MAP2K7: variants seen among roughly 807,000 people sequenced by gnomAD.
MAP2K7 encodes the protein mitogen-activated protein kinase kinase 7.
A neutral mutation model predicts 47.7 loss-of-function variants in MAP2K7; 12 were observed. That is an observed-to-expected ratio of 0.25 (90% CI 0.16 to 0.41). MAP2K7 has a LOEUF of 0.41. MAP2K7 is among the 10% of genes least tolerant of loss of function. MAP2K7 has a pLI of 1.00. For synonymous variants in MAP2K7, 299 were observed against 243.0 expected, an observed-to-expected ratio of 1.23 and a Z score of -2.14; for missense variants, 415 against 600.3, an observed-to-expected ratio of 0.69 and a Z score of 3.23.
chr19:7,911,634 G>T, intron 9 of MAP2K7, 56 bp downstream of exon 9: 1 of 1,503,080 alleles, frequency 6.7e-7, no homozygotes, highest in African/African-American at 1.4e-5. Flanking sequence ...CTGGGCAGCT[G>T]GGGAGGCAAT....
intron 8 of MAP2K7, 50 bp downstream of exon 8, chr19:7,911,380 G>A: frequency 6.2e-7 from 1 of 1,613,416 alleles, no homozygotes; most frequent in Non-Finnish European, 8.5e-7. Context: ...GGGCTTCTGG[G>A]GGACTCGGAG....
At chr19:7,906,191 G>T in intron 1 of MAP2K7, 1 of 343,044 alleles carries the variant, frequency 2.9e-6, no homozygotes, top group Admixed American at 4.2e-5. Flanking sequence ...GAGAAAGTTG[G>T]GCCTGGTGGG....
At chr19:7,906,160 T>G in intron 1 of MAP2K7, 1 of 438,500 alleles carries the variant, frequency 2.3e-6, no homozygotes, top group Non-Finnish European at 4.2e-6. Flanking sequence ...TGCACGCCTG[T>G]GTGTGTGTAA....
Position 7,910,682 on chromosome 19 carries a change from C to T in MAP2K7, c.568-14C>T. ...CGGAAGACACAGCTCCCCCGGGTGC[C>T]CCTCTCCCTGCAGACGGACGTCTTC... On this transcript the variant is annotated splice_polypyrimidine_tract_variant and intron_variant, in intron 5 of 10. Coordinates refer to ENST00000397979, the MANE Select transcript of MAP2K7 (RefSeq NM_145185.4). 11 of 1,607,094 alleles carry T rather than the reference C, an allele frequency of 6.8e-6. No individual in the cohort carries two copies. The highest frequency in any genetic ancestry group is 1.1e-5 in the South Asian group (1 of 90,766).
Position 7,910,114 on chromosome 19 carries a change from G to A in MAP2K7, c.318G>A (p.Leu106=). Residue 106 remains leucine, a synonymous_variant, in exon 3 of 11, where the codon CTG becomes CTA. Coordinates refer to ENST00000397979, the MANE Select transcript of MAP2K7 (RefSeq NM_145185.4). ...LQEIMKQTGY[L]TIGGQRYQAE... is the part of the protein sequence containing the mutation. The stretch of plus-strand genomic sequence containing the variant: ...AGATCATGAAGCAGACGGGCTACCT[G>A]ACCATCGGGGGCCAGGTACCACCTT... The A allele has an allele frequency of 1.2e-6, 2 of 1,606,746 alleles. No individual in the cohort carries two copies. The highest frequency in any genetic ancestry group is 2.2e-5 in the South Asian group (2 of 90,276).
At position 7,912,139 on chromosome 19, in the gene MAP2K7, C is replaced by T. The variant is rs1361910356; in HGVS notation, c.1080-10C>T. ...CGTTCTCACATCTGTCTTCCCTTCT[C>T]TTGCTCTAGCCTTACTAAAGATCAC... On this transcript the variant is annotated splice_polypyrimidine_tract_variant and intron_variant, in intron 9 of 10. Coordinates refer to ENST00000397979, the MANE Select transcript of MAP2K7 (RefSeq NM_145185.4). 2 of 1,613,668 alleles carry T rather than the reference C, an allele frequency of 1.2e-6. No individual in the cohort carries two copies. The highest frequency in any genetic ancestry group is 1.7e-6 in the Non-Finnish European group (2 of 1,179,756).
intron 6 of MAP2K7, 63 bp downstream of exon 6, chr19:7,910,866 G>T (rs1344924315): frequency 1.3e-6 from 2 of 1,569,928 alleles, no homozygotes; most frequent in African/African-American, 1.3e-5. Flanking sequence ...ACCAGGCGGG[G>T]CGTGCACTGG....
In MAP2K7 at chr19:7,914,221, G is replaced by T. The variant is rs1203786224; in HGVS notation, c.*1790G>T. 2 of 152,314 alleles carry T rather than the reference G, an allele frequency of 1.3e-5. No individual in the cohort carries two copies. Among genetic ancestry groups the T allele is most frequent in the African/African-American group, 4.8e-5 (2 of 41,402 alleles). 9.4% of individuals were successfully genotyped at this position (152,314 alleles called of 1,614,324 possible). A position where few individuals can be genotyped will look rare whatever the true frequency, so the allele number is the denominator to read the frequency against. ...TGTCCGCCCACCCCCACCCCCTTCA[G>T]TGTTAAGTGGGGAGCCCTGGGGGAG... On this transcript the variant is annotated 3_prime_UTR_variant, in exon 11 of 11. Transcript: ENST00000397979.
intron 2 of MAP2K7, 44 bp from the exon 3 acceptor site, chr19:7,910,019 A>G (rs1395451273): frequency 1.3e-6 from 2 of 1,551,070 alleles, no homozygotes; most frequent in South Asian, 2.4e-5. Context: ...TGGCCAACCT[A>G]AGGTCAGGAC....
intron 8 of MAP2K7, 23 bp downstream of exon 8, chr19:7,911,353 T>A: frequency 1.2e-6 from 2 of 1,613,298 alleles, no homozygotes; most frequent in Non-Finnish European, 1.7e-6. Context: ...CCTCCCCTGT[T>A]CTCCAGCCAG....
chr19:7,907,045 C>CAA (rs59539558), intron 1 of MAP2K7: 4 of 93,806 alleles, frequency 4.3e-5, no homozygotes, highest in South Asian at 3.3e-4. Flanking sequence ...AACTCCATCT[C>CAA]AAAAAAAAAA....
chr19:7,910,890 G>A, intron 6 of MAP2K7, 87 bp downstream of exon 6: 2 of 1,583,960 alleles, frequency 1.3e-6, no homozygotes, highest in South Asian at 1.1e-5. Context: ...AGATGACAGT[G>A]GCGGTGAGTG....
At chr19:7,904,643 G>C (rs1194297451) in intron 1 of MAP2K7, 1 of 164,668 alleles carries the variant, frequency 6.1e-6, no homozygotes, top group Non-Finnish European at 1.4e-5. Flanking sequence ...GGGGGGACGG[G>C]AGGGGGTCCC....
chr19:7,912,225 C>T lies in MAP2K7; in HGVS notation c.1125+31C>T, dbSNP rs199949729. On this transcript the variant is annotated intron_variant, in intron 10 of 10. Coordinates refer to ENST00000397979, the MANE Select transcript of MAP2K7 (RefSeq NM_145185.4). ...TACCTGAGCCCTCCCAGTCCCCGTCCTGTCCCTGCGGAGGCGCGAGGCCAG... is the reference window on the plus strand; with the variant it reads ...TACCTGAGCCCTCCCAGTCCCCGTCTTGTCCCTGCGGAGGCGCGAGGCCAG... 158 of 1,613,810 alleles carry T rather than the reference C, an allele frequency of 9.8e-5. No homozygotes were observed. In the African/African-American group the frequency reaches 1.9e-3, roughly 20 times the overall value.
intron 1 of MAP2K7, among the ~76,000 whole-genome samples, chr19:7,907,872 G>A (rs930330070): frequency 6.6e-6 from 1 of 152,166 alleles, no homozygotes; most frequent in African/African-American, 2.4e-5. Context: ...GCTGGGTTGG[G>A]GGGAGCACAG....
rs1335851436 is a variant in MAP2K7 at position 7,911,170 on chromosome 19, G to T, written c.855+11G>T. On this transcript the variant is annotated intron_variant, in intron 7 of 10. Coordinates refer to ENST00000397979, the MANE Select transcript of MAP2K7 (RefSeq NM_145185.4). ...GCCGCCTACATGGCAGTGAGTGGGG[G>T]CCCCCCAGCGGGGGAGGGGGTGGGG... is the stretch of plus-strand genomic sequence containing the variant. 4 of 1,605,236 alleles carry T rather than the reference G, an allele frequency of 2.5e-6. No homozygotes were observed. Among genetic ancestry groups the T allele is most frequent in the Admixed American group, 3.4e-5 (2 of 59,638 alleles).
At position 7,909,782 on chromosome 19, in the gene MAP2K7, G is replaced by C. The variant is rs957493807; in HGVS notation, c.152G>C (p.Gly51Ala). Residue 51 changes from glycine (G) to alanine (A), a missense_variant, in exon 2 of 11, where the codon GGG becomes GCG. Gly to Ala is a moderately conservative substitution (Grantham distance 60). Transcript: ENST00000397979. ...PTLQLPLAND[G>A]GSRSPSSESS... ...CTGCAGCTCCCGCTGGCCAACGATGGGGGCAGCCGCTCGCCATCCTCAGAG... is the reference window on the plus strand; with the variant it reads ...CTGCAGCTCCCGCTGGCCAACGATGCGGGCAGCCGCTCGCCATCCTCAGAG... 6.5e-7 allele frequency: 1 copy of C among 1,542,346 alleles called. No individual in the cohort carries two copies. The highest frequency in any genetic ancestry group is 8.7e-7 in the Non-Finnish European group (1 of 1,146,068).
intron 1 of MAP2K7, among the ~76,000 whole-genome samples, chr19:7,908,684 G>A (rs867747530): frequency 1.3e-5 from 2 of 152,106 alleles, no homozygotes; most frequent in Middle Eastern, 6.8e-3. Context: ...CCGTTGTCAG[G>A]GCCTCTAGGA....
rs765683504 is a variant in MAP2K7, at chr19:7,911,051, C to T, written c.747C>T (p.Ile249=). The change falls in exon 7 of 11, where the codon ATC becomes ATT. Residue 249 remains isoleucine, a synonymous_variant. Coordinates refer to ENST00000397979, the MANE Select transcript of MAP2K7 (RefSeq NM_145185.4). ...VIHRDVKPSN[I]LLDERGQIKL... ...ACCGCGACGTCAAGCCCTCCAACAT[C>T]CTGCTGGACGAGCGGGGCCAGATCA... The T allele has an allele frequency of 2.5e-6, 4 of 1,612,804 alleles. No homozygotes were observed. The highest frequency in any genetic ancestry group is 1.1e-5 in the South Asian group (1 of 91,088).
Sources: allele counts gnomAD v4.1 joint callset (sites outside exome capture counted in the v4.1 genomes callset), GRCh38; gene constraint gnomAD v4.1.1; transcripts MANE v1.5; gene names NCBI Gene and HGNC (gene_info 2026-07-23, HGNC 2026-07-21).